The following KLRG1 variants were observed in gnomAD, a reference collection of about 807,000 sequenced individuals.
KLRG1 encodes the protein killer cell lectin-like receptor subfamily G member 1.
Under a neutral mutation model 21.8 loss-of-function variants are expected in KLRG1, and 16 were observed. The observed-to-expected ratio is 0.73, with a 90% confidence interval of 0.50 to 1.11. The LOEUF is 1.11. Ranked by LOEUF, KLRG1 falls within the 50% of genes most tolerant of loss-of-function variation. The probability of loss-of-function intolerance (pLI) is 0.00; values close to 1 mark genes in which losing one functional copy is unlikely to be tolerated. For missense variants in KLRG1, 173 were observed against 218.3 expected, an observed-to-expected ratio of 0.79 and a Z score of 1.31; for synonymous variants, 69 against 75.9, an observed-to-expected ratio of 0.91 and a Z score of 0.47.
the KLRG1 span, chr12:9,128,065 C>T: frequency 4.7e-6 from 1 of 214,120 alleles, no homozygotes; most frequent in South Asian, 7.1e-5. Context: ...GCAGGGCGCC[C>T]GATGAGCTGA....
intron 1 of KLRG1, among the ~76,000 whole-genome samples, chr12:8,951,912 A>G (rs1946211986): frequency 6.6e-6 from 1 of 152,112 alleles, no homozygotes; most frequent in Non-Finnish European, 1.5e-5. Flanking sequence ...GTCAGAGTGG[A>G]AGCAGGGGTA....
the KLRG1 span, among the ~76,000 whole-genome samples, chr12:9,163,326 G>T: frequency 6.7e-6 from 1 of 150,132 alleles, no homozygotes; most frequent in African/African-American, 2.5e-5. Context: ...TTAGCCAGGC[G>T]CCTGTAGTCC....
At chr12:9,072,916 G>C in the KLRG1 span, 2 of 1,501,370 alleles carry the variant, frequency 1.3e-6, no homozygotes, top group African/African-American at 1.4e-5. Flanking sequence ...GCATTATAAG[G>C]CTTTGAGGGC....
At chr12:9,123,223 C>T in the KLRG1 span, among the ~76,000 whole-genome samples, 318 of 152,222 alleles carry the variant, frequency 2.1e-3, no homozygotes, top group Middle Eastern at 3.4e-3. Context: ...ACACCTGAAA[C>T]CACAGATAGT....
chr12:9,028,600 C>A, the KLRG1 span: 1 of 360,222 alleles, frequency 2.8e-6, no homozygotes, highest in Non-Finnish European at 5.4e-6. Context: ...CGCACCACCA[C>A]GCCCTGCTAA....
the KLRG1 span, among the ~76,000 whole-genome samples, chr12:9,188,373 C>A: frequency 6.6e-6 from 1 of 152,298 alleles, no homozygotes; most frequent in Non-Finnish European, 1.5e-5. Context: ...GAACATACCT[C>A]AAAATAATAA....
At chr12:9,082,619 A>T in the KLRG1 span, among the ~76,000 whole-genome samples, 1 of 152,224 alleles carries the variant, frequency 6.6e-6, no homozygotes, top group African/African-American at 2.4e-5. Flanking sequence ...CAAATGCACA[A>T]ATAATGCAAG....
the KLRG1 span, among the ~76,000 whole-genome samples, chr12:9,017,460 A>G: frequency 6.6e-6 from 1 of 152,156 alleles, no homozygotes; most frequent in Admixed American, 6.5e-5. Flanking sequence ...ATGGTTCAAC[A>G]TGCACATATC....
the KLRG1 span, among the ~76,000 whole-genome samples, chr12:9,134,611 TC>T: frequency 5.6e-4 from 86 of 152,346 alleles, no homozygotes; most frequent in Middle Eastern, 3.4e-3. Context: ...ACTGTTTTAC[TC>T]TTTGATTCTA....
chr12:8,980,017 C>G (rs1191076520), intron 1 of KLRG1, among the ~76,000 whole-genome samples: 2 of 152,128 alleles, frequency 1.3e-5, no homozygotes, highest in Non-Finnish European at 2.9e-5. Context: ...TGTCCTGCCT[C>G]AGCCTCCCAA....
At chr12:9,088,198 T>C in the KLRG1 span, among the ~76,000 whole-genome samples, 1 of 151,738 alleles carries the variant, frequency 6.6e-6, no homozygotes, top group East Asian at 1.9e-4. Flanking sequence ...GATAAATGGA[T>C]GGCAAAGTAC....
At chr12:9,157,701 G>T in the KLRG1 span, 1 of 1,405,074 alleles carries the variant, frequency 7.1e-7, no homozygotes, top group Non-Finnish European at 1.0e-6. Flanking sequence ...ACCCTTAGCA[G>T]GGTGGCATTC....
chr12:9,068,870 C>T, the KLRG1 span: 5 of 1,503,226 alleles, frequency 3.3e-6, no homozygotes, highest in African/African-American at 5.5e-5. Context: ...ATTAAATGAC[C>T]TTTCAGGAAG....
At chr12:9,031,829 A>G in the KLRG1 span, among the ~76,000 whole-genome samples, 6 of 152,310 alleles carry the variant, frequency 3.9e-5, no homozygotes, top group East Asian at 1.9e-4. Flanking sequence ...CTGGCTGACA[A>G]TTGGTTGAGT....
At chr12:9,189,599 A>C in the KLRG1 span, among the ~76,000 whole-genome samples, 9 of 152,354 alleles carry the variant, frequency 5.9e-5, no homozygotes, top group African/African-American at 1.9e-4. Flanking sequence ...TTCATGAAGA[A>C]GACACTAAAA....
At chr12:9,162,765 CT>C in the KLRG1 span, 3 of 839,564 alleles carry the variant, frequency 3.6e-6, no homozygotes, top group East Asian at 2.5e-5. Context: ...CCATCCTACT[CT>C]TTTTTTCCCA....
chr12:9,083,207 A>C, the KLRG1 span, among the ~76,000 whole-genome samples: 1 of 152,168 alleles, frequency 6.6e-6, no homozygotes, highest in East Asian at 1.9e-4. Context: ...ACTTGGACAC[A>C]GGAAGGGGAA....
chr12:9,160,191 G>C, the KLRG1 span: 12 of 1,102,518 alleles, frequency 1.1e-5, no homozygotes, highest in African/African-American at 1.4e-4. Flanking sequence ...CTATTAGAGT[G>C]TGGGAAGATT....
At chr12:9,138,242 C>T in the KLRG1 span, among the ~76,000 whole-genome samples, 1 of 151,850 alleles carries the variant, frequency 6.6e-6, no homozygotes, top group Non-Finnish European at 1.5e-5. Flanking sequence ...TGAATTTTGT[C>T]AAATGCTTTC....
Sources: gnomAD v4.1 joint callset for allele counts (sites outside exome capture counted in the v4.1 genomes callset) on GRCh38, gnomAD v4.1.1 for gene constraint, MANE v1.5 for transcripts, NCBI Gene and HGNC (gene_info 2026-07-23, HGNC 2026-07-21) for gene names.